Variants in CCDC171 observed in about 807,000 individuals in gnomAD.
CCDC171 encodes the protein coiled-coil domain containing 171.
Under a neutral mutation model 168.2 loss-of-function variants are expected in CCDC171, and 177 were observed. The ratio of observed to expected loss-of-function variants is 1.05; its 90% CI spans 0.93 to 1.19. The LOEUF (loss-of-function observed/expected upper bound fraction) is 1.19, where lower values mean the gene tolerates loss of function less well. CCDC171 is among the 50% of genes most tolerant of loss of function. The pLI is 0.00. For synonymous variants in CCDC171, 687 were observed against 540.8 expected (o/e 1.27, Z -3.75); for missense variants, 1,991 against 1,539.0 (o/e 1.29, Z -4.91).
chr9:15,590,771 CTCTTTCTTTCTTTCTTTCTTTCTTTCTT>C lies in CCDC171; in HGVS notation c.353-558_353-531del, dbSNP rs71506031. On this transcript the variant is annotated intron_variant, in intron 4 of 25. Coordinates refer to ENST00000380701, the MANE Select transcript of CCDC171 (RefSeq NM_173550.4). Reference sequence around the variant, plus strand: ...AGATTTTTTTCTTCTTTCTTTCTTTCTCTTTCTTTCTTTCTTTCTTTCTTTCTTTCTTTCTTTCTTTCTTTCTTTCTTT... The same window carrying C: ...AGATTTTTTTCTTCTTTCTTTCTTTCTCTTTCTTTCTTTCTTTCTTTCTTT... Among the ~76,000 whole-genome samples the C allele has an allele frequency of 5.7e-5, 7 of 122,520 alleles. No homozygotes were observed. In the East Asian group the frequency reaches 6.8e-4, roughly 12 times the overall value. 80.4% of individuals were successfully genotyped at this position (122,520 alleles called of 152,430 possible).
At chr9:15,637,741 T>C (rs975497520) in intron 7 of CCDC171, among the ~76,000 whole-genome samples, 3 of 151,562 alleles carry the variant, frequency 2.0e-5, no homozygotes, top group Non-Finnish European at 2.9e-5. Flanking sequence ...GTCCTTGCGA[T>C]AGTTTACTGA....
At chr9:15,662,823 A>G (rs2048418050) in intron 8 of CCDC171, among the ~76,000 whole-genome samples, 2 of 152,094 alleles carry the variant, frequency 1.3e-5, no homozygotes, top group East Asian at 1.9e-4. Flanking sequence ...TAAAAAAAAA[A>G]TACCAAAATT....
chr9:15,830,453 A>G (rs1208132824), intron 21 of CCDC171, among the ~76,000 whole-genome samples: 2 of 152,228 alleles, frequency 1.3e-5, no homozygotes, highest in Non-Finnish European at 2.9e-5. Context: ...ATATTAAGAA[A>G]CAGACTTTCC....
intron 4 of CCDC171, among the ~76,000 whole-genome samples, chr9:15,589,434 C>G (rs1394384989): frequency 6.6e-6 from 1 of 152,132 alleles, no homozygotes; most frequent in Non-Finnish European, 1.5e-5. Flanking sequence ...TTAGATAAAT[C>G]CTGCCATTTT....
intron 25 of CCDC171, among the ~76,000 whole-genome samples, chr9:15,942,137 G>C (rs1026507742): frequency 6.6e-6 from 1 of 151,808 alleles, no homozygotes; most frequent in Admixed American, 6.6e-5. Flanking sequence ...TATTACAATT[G>C]ATTTTTAGTT....
chr9:15,623,331 A>C lies in CCDC171; in HGVS notation c.740A>C (p.Asp247Ala). The C allele has an allele frequency of 6.2e-7, 1 of 1,610,142 alleles. No homozygotes were observed. The highest frequency in any genetic ancestry group is 8.5e-7 in the Non-Finnish European group (1 of 1,177,324). ...GAAAAATTAGAAACAGAACATATGG[A>C]CTGCTCTGACCTTTTACGGCGACAA... ...KVEKLETEHM[D>A]CSDLLRRQTS... The change falls in exon 7 of 26, where the codon GAC (aspartate) becomes GCC (alanine). Residue 247 changes from aspartate (D) to alanine (A), a missense_variant. Asp to Ala is a moderately radical substitution (Grantham distance 126, BLOSUM62 -2). Transcript: ENST00000380701.
chr9:16,016,231 C>A (rs1833011010), intron 3 of CCDC171, among the ~76,000 whole-genome samples: 1 of 152,096 alleles, frequency 6.6e-6, no homozygotes, highest in Non-Finnish European at 1.5e-5. Flanking sequence ...TTTTAAGTGT[C>A]AAGGTCCAGC....
upstream of CCDC171, among the ~76,000 whole-genome samples, chr9:16,041,255 C>G (rs935661858): frequency 6.6e-6 from 1 of 152,126 alleles, no homozygotes; most frequent in African/African-American, 2.4e-5. Context: ...GAGGTTTCAG[C>G]TAGTCGGATT....
At chr9:15,864,837 T>C (rs2061708887) in intron 23 of CCDC171, among the ~76,000 whole-genome samples, 1 of 152,054 alleles carries the variant, frequency 6.6e-6, no homozygotes, top group South Asian at 2.1e-4. Flanking sequence ...AATTGAAATG[T>C]GAAGAAGAAG....
intron 24 of CCDC171, 92 bp downstream of exon 24, chr9:15,874,755 ATAATT>A (rs1588951752): frequency 6.4e-6 from 8 of 1,256,006 alleles, no homozygotes; most frequent in Non-Finnish European, 7.4e-6. Flanking sequence ...AGTATTGTGA[ATAATT>A]TAAAGGAGAT....
chr9:15,575,157 CTTTTTTTTTTTT>C (rs57272096), intron 3 of CCDC171, among the ~76,000 whole-genome samples: 3 of 86,874 alleles, frequency 3.5e-5, no homozygotes, highest in South Asian at 4.8e-4. Flanking sequence ...GACATAACTA[CTTTTTTTTTTTT>C]TTTTTTTTTT....
At chr9:15,801,627 C>A (rs1026710181) in intron 21 of CCDC171, among the ~76,000 whole-genome samples, 1 of 151,964 alleles carries the variant, frequency 6.6e-6, no homozygotes, top group Non-Finnish European at 1.5e-5. Context: ...TGTTTGATTG[C>A]TCGAGCTAGG....
chr9:16,015,548 C>T, intron 3 of CCDC171, among the ~76,000 whole-genome samples: 1 of 152,298 alleles, frequency 6.6e-6, no homozygotes, highest in East Asian at 1.9e-4. Context: ...AATTTCCCAC[C>T]TCTGTACTCT....
the CCDC171 span, among the ~76,000 whole-genome samples, chr9:16,098,782 T>G: frequency 6.6e-6 from 1 of 152,238 alleles, no homozygotes; most frequent in South Asian, 2.1e-4. Context: ...CTATGGAATA[T>G]TCCCCCTTTG....
At chr9:15,925,734 G>T (rs1329458759) in intron 25 of CCDC171, among the ~76,000 whole-genome samples, 1 of 151,564 alleles carries the variant, frequency 6.6e-6, no homozygotes, top group South Asian at 2.1e-4. Flanking sequence ...TGAGTATGTT[G>T]AGTTTGAGTT....
rs952143373 is a variant in CCDC171 at position 15,972,814 on chromosome 9, C to G, written c.*978C>G. On this transcript the variant is annotated 3_prime_UTR_variant, in exon 26 of 26. Transcript: ENST00000380701. ...ACAAAAGTAAAATTGTATGTCAGGCCGAGATGTCGGGGAGCTGACAAGATG... is the reference window on the plus strand; with the variant it reads ...ACAAAAGTAAAATTGTATGTCAGGCGGAGATGTCGGGGAGCTGACAAGATG... 4 of 152,004 alleles carry G rather than the reference C, an allele frequency of 2.6e-5. No individual in the cohort carries two copies. The highest frequency in any genetic ancestry group is 9.7e-5 in the African/African-American group (4 of 41,350). The allele number at this position is 152,004 out of a possible 1,614,324, so 9.4% of individuals were successfully genotyped here.
chr9:15,623,465 G>GCGCGCGCGCGCA, intron 7 of CCDC171, 52 bp downstream of exon 7: 1 of 552,338 alleles, frequency 1.8e-6, no homozygotes, highest in Non-Finnish European at 2.7e-6. Flanking sequence ...TTTCACATAT[G>GCGCGCGCGCGCA]CGCGCGCGCG....
the CCDC171 span, among the ~76,000 whole-genome samples, chr9:16,071,118 C>T: frequency 3.9e-5 from 6 of 152,152 alleles, no homozygotes; most frequent in South Asian, 4.2e-4. Context: ...TGTGCAAAGG[C>T]GAATCCACAG....
the CCDC171 span, among the ~76,000 whole-genome samples, chr9:16,089,880 C>T: frequency 6.6e-6 from 1 of 152,022 alleles, no homozygotes; most frequent in Non-Finnish European, 1.5e-5. Flanking sequence ...AGATATCATC[C>T]CATGCCAGTA....
Sources: allele counts gnomAD v4.1 joint callset (sites outside exome capture counted in the v4.1 genomes callset), GRCh38; gene constraint gnomAD v4.1.1; transcripts MANE v1.5; gene names NCBI Gene and HGNC (gene_info 2026-07-23, HGNC 2026-07-21).